RNF213: variants seen among roughly 807,000 people sequenced by gnomAD.
RNF213 encodes E3 ubiquitin-protein ligase RNF213.
A neutral mutation model predicts 514.4 loss-of-function variants in RNF213; 341 were observed. That is an observed-to-expected ratio of 0.66 (90% CI 0.61 to 0.73). The LOEUF (loss-of-function observed/expected upper bound fraction) is 0.73. RNF213 is among the 30% of genes least tolerant of loss of function. The probability of loss-of-function intolerance (pLI) is 0.00; values close to 1 mark genes in which losing one functional copy is unlikely to be tolerated. For missense variants in RNF213, 5,767 were observed against 6,615.6 expected (o/e 0.87, Z 4.45); for synonymous variants, 2,655 against 2,658.2 (o/e 1.00, Z 0.04).
chr17:80,354,287 T>TTA, intron 35 of RNF213, 121 bp downstream of exon 35: 5 of 1,493,230 alleles, frequency 3.3e-6, no homozygotes, highest in Non-Finnish European at 4.6e-6. Flanking sequence ...GCAGAAGCAG[T>TTA]GACACAGTGG....
At chr17:80,310,854 T>C (rs1292326520) in intron 14 of RNF213, among the ~76,000 whole-genome samples, 1 of 152,182 alleles carries the variant, frequency 6.6e-6, no homozygotes, top group Non-Finnish European at 1.5e-5. Flanking sequence ...ACCCGGCTGA[T>C]CATTTTTTTT....
chr17:80,281,629 C>T (rs929590771), intron 3 of RNF213, among the ~76,000 whole-genome samples: 185 of 99,138 alleles, frequency 1.9e-3, no homozygotes, highest in African/African-American at 6.0e-3. Flanking sequence ...CACACACACC[C>T]CCAACACACA....
rs1298173328 is a variant in RNF213 at position 80,348,178 on chromosome 17, G to C, written c.9843G>C (p.Glu3281Asp). ...ACTCGCTGGGCGGGTTCGCAGCGGA[G>C]TGGCTGTCGCAGGAGTACTTTCACA... ...SAYSLGGFAA[E>D]WLSQEYFHRQ... The change falls in exon 29 of 68, where the codon GAG (glutamate) becomes GAC (aspartate). Residue 3281 changes from glutamate to aspartate, a missense_variant. This residue lies in a region of RNF213 where 919 missense variants were observed against 1,121.0 expected (regional missense o/e 0.82). Coordinates refer to ENST00000582970, the MANE Select transcript of RNF213 (RefSeq NM_001256071.3). 2 of 1,613,960 alleles carry C rather than the reference G, an allele frequency of 1.2e-6. No individual in the cohort carries two copies. The highest frequency in any genetic ancestry group is 1.7e-6 in the Non-Finnish European group (2 of 1,180,058).
At chr17:80,267,512 T>C (rs770392866) in intron 2 of RNF213, among the ~76,000 whole-genome samples, 1 of 152,162 alleles carries the variant, frequency 6.6e-6, no homozygotes, top group Admixed American at 6.5e-5. Flanking sequence ...TATTGTGATA[T>C]GGAGAGAGTT....
Position 80,353,537 on chromosome 17 carries a change from C to A in RNF213, c.10449C>A (p.Asp3483Glu). 2.5e-6 allele frequency: 4 copies of A among 1,612,626 alleles called. No homozygotes were observed. Among genetic ancestry groups the A allele is most frequent in the Non-Finnish European group, 3.4e-6 (4 of 1,179,350 alleles). ...PELGLEHRAE[D>E]GHEEAMETEA... is the part of the protein sequence containing the mutation. Reference sequence around the variant, plus strand: ...TGGGCTTGGAACACCGGGCGGAAGACGGCCATGAGGAGGCGATGGAGACGG... The same window carrying A: ...TGGGCTTGGAACACCGGGCGGAAGAAGGCCATGAGGAGGCGATGGAGACGG... Residue 3483 changes from aspartate to glutamate, a missense_variant, in exon 34 of 68, where the codon GAC (aspartate) becomes GAA (glutamate). Transcript: ENST00000582970. This position sits in a 1 kb window ranked among gnomAD's most constrained non-coding sequence, Gnocchi z 5.0.
At chr17:80,381,793 G>C in intron 57 of RNF213, 66 bp downstream of exon 57, 1 of 1,459,730 alleles carries the variant, frequency 6.9e-7, no homozygotes, top group Non-Finnish European at 9.4e-7. Flanking sequence ...CAGGCTCGCT[G>C]TCTTGTGGGC....
intron 20 of RNF213, 149 bp from the exon 21 acceptor site, chr17:80,331,857 C>T: frequency 1.1e-6 from 1 of 913,386 alleles, no homozygotes; most frequent in East Asian, 2.7e-5. Flanking sequence ...AGGGAAAGAC[C>T]TGTGAACTCT....
Position 80,364,424 on chromosome 17 carries a change from T to G in RNF213, c.11751-9T>G. The G allele has an allele frequency of 1.9e-6, 3 of 1,614,106 alleles. No individual in the cohort carries two copies. The highest frequency in any genetic ancestry group is 2.5e-6 in the Non-Finnish European group (3 of 1,179,992). Reference sequence around the variant, plus strand: ...GAGTGAGTGAGTGAGTGGCGCCCTCTTTTGACAGAGCCCAGTGGAGTCGGA... The same window carrying G: ...GAGTGAGTGAGTGAGTGGCGCCCTCGTTTGACAGAGCCCAGTGGAGTCGGA... On this transcript the variant is annotated splice_polypyrimidine_tract_variant and intron_variant, in intron 41 of 67. Coordinates refer to ENST00000582970, the MANE Select transcript of RNF213 (RefSeq NM_001256071.3).
intron 37 of RNF213, among the ~76,000 whole-genome samples, chr17:80,359,850 T>C (rs1300831417): frequency 6.6e-6 from 1 of 152,176 alleles, no homozygotes; most frequent in African/African-American, 2.4e-5. Context: ...TGTTTTTGTT[T>C]TGCCTGTGAA....
chr17:80,339,279 A>G lies in RNF213; in HGVS notation c.4912A>G (p.Ile1638Val). ...SAGNMLFRTW[I>V]AMAYCSPKQG... ...TGGGAATATGCTGTTCAGGACGTGG[A>G]TCGCCATGGCCTACTGCTCCCCCAA... Residue 1638 changes from isoleucine to valine, a missense_variant, in exon 26 of 68, where the codon ATC becomes GTC. By Grantham distance (29) the Ile-to-Val change is conservative (BLOSUM62 3). Around this residue, in one of 13 missense-constraint regions of RNF213, gnomAD observed 1,377 missense variants for 1,635.2 expected, o/e 0.84. Transcript: ENST00000582970. The G allele has an allele frequency of 6.5e-7, 1 of 1,534,802 alleles. No individual in the cohort carries two copies. Among genetic ancestry groups the G allele is most frequent in the Admixed American group, 2.0e-5 (1 of 50,950 alleles).
At chr17:80,378,730 A>G (rs1441771824) in intron 54 of RNF213, among the ~76,000 whole-genome samples, 1 of 152,184 alleles carries the variant, frequency 6.6e-6, no homozygotes, top group Non-Finnish European at 1.5e-5. Context: ...AGGACGCTGA[A>G]ATAGAGTCTA....
At chr17:80,372,848 C>T (rs945051040) in intron 48 of RNF213, 114 bp downstream of exon 48, 26 of 1,361,358 alleles carry the variant, frequency 1.9e-5, no homozygotes, top group Non-Finnish European at 2.6e-5. Flanking sequence ...TTTCTACATC[C>T]CCTCTCCCCT....
Position 80,264,555 on chromosome 17 carries a change from C to G in RNF213, c.97+777C>G, listed in dbSNP as rs901110693. Among the ~76,000 whole-genome samples, 2 of 152,142 alleles carry G rather than the reference C, an allele frequency of 1.3e-5. No homozygotes were observed. Among genetic ancestry groups the G allele is most frequent in the Non-Finnish European group, 2.9e-5 (2 of 68,028 alleles). ...CTGTGTCCAAAGCCCAGCCCCACCTCCACTGGTGAGGGCACCTCATTCTTC... is the reference window on the plus strand; with the variant it reads ...CTGTGTCCAAAGCCCAGCCCCACCTGCACTGGTGAGGGCACCTCATTCTTC... On this transcript the variant is annotated intron_variant, in intron 2 of 67. Coordinates refer to ENST00000582970, the MANE Select transcript of RNF213 (RefSeq NM_001256071.3). This position sits in a 1 kb window ranked among gnomAD's most constrained non-coding sequence, Gnocchi z 5.0.
At chr17:80,358,589 C>A in intron 37 of RNF213, 110 bp downstream of exon 37, 1 of 988,200 alleles carries the variant, frequency 1.0e-6, no homozygotes, top group Non-Finnish European at 1.6e-6. Flanking sequence ...TTCAGAGCAA[C>A]GTTGACATGG....
chr17:80,289,532 G>T, intron 5 of RNF213, 127 bp from the exon 6 acceptor site: 1 of 1,005,132 alleles, frequency 9.9e-7, no homozygotes, highest in Non-Finnish European at 1.5e-6. Context: ...GGAGGTTGCA[G>T]TGAGCTGAGA....
chr17:80,344,047 G>T (rs759887716), intron 28 of RNF213, 32 bp downstream of exon 28: 10 of 1,605,078 alleles, frequency 6.2e-6, no homozygotes, highest in East Asian at 2.2e-5. Flanking sequence ...CGCCTGGCGT[G>T]GGGGGCTCTT....
At chr17:80,363,568 A>C (rs754273941) in intron 40 of RNF213, 41 bp from the exon 41 acceptor site, 2 of 1,606,816 alleles carry the variant, frequency 1.2e-6, no homozygotes, top group Non-Finnish European at 1.7e-6. Flanking sequence ...GGCCGGTGGG[A>C]GGGGCACCGC....
At chr17:80,320,010 G>A (rs143699710) in intron 17 of RNF213, 7 of 1,026,306 alleles carry the variant, frequency 6.8e-6, no homozygotes, top group African/African-American at 1.7e-5. Flanking sequence ...TCCCTTTTTC[G>A]TTAACTCTTT....
intron 52 of RNF213, 58 bp downstream of exon 52, chr17:80,376,601 C>T (rs1937851877): frequency 7.4e-6 from 12 of 1,610,996 alleles, no homozygotes; most frequent in Middle Eastern, 3.5e-4. Flanking sequence ...GAGCTTGTCA[C>T]TGTAGAGACC....
Sources: allele counts gnomAD v4.1 joint callset (sites outside exome capture counted in the v4.1 genomes callset), GRCh38; gene constraint gnomAD v4.1.1; regional missense constraint gnomAD v4.1.1; non-coding constraint Gnocchi (gnomAD v3.1); transcripts MANE v1.5; gene names NCBI Gene and HGNC (gene_info 2026-07-23, HGNC 2026-07-21).